The following FRMD4A variants were observed in gnomAD, a reference collection of about 807,000 sequenced individuals.
FRMD4A encodes FERM domain containing 4A.
A neutral mutation model predicts 129.1 loss-of-function variants in FRMD4A; 29 were observed. The ratio of observed to expected loss-of-function variants is 0.22; its 90% CI spans 0.17 to 0.31. The LOEUF (loss-of-function observed/expected upper bound fraction) is 0.31. FRMD4A is among the 10% of genes least tolerant of loss of function. The probability of loss-of-function intolerance (pLI) is 1.00; values close to 1 mark genes in which losing one functional copy is unlikely to be tolerated. For synonymous variants in FRMD4A, 634 were observed against 571.6 expected (o/e 1.11, Z -1.56); for missense variants, 1,272 against 1,375.8 (o/e 0.92, Z 1.19).
At chr10:13,792,535 C>T (rs1040853505) in intron 5 of FRMD4A, among the ~76,000 whole-genome samples, 25 of 152,184 alleles carry the variant, frequency 1.6e-4, no homozygotes, top group Non-Finnish European at 7.3e-5. Context: ...ACTTATTAGC[C>T]ATGCTGGGGA....
intron 2 of FRMD4A, among the ~76,000 whole-genome samples, chr10:13,914,284 G>A (rs1307066589): frequency 2.6e-5 from 4 of 152,086 alleles, no homozygotes; most frequent in African/African-American, 4.8e-5. Flanking sequence ...GACTTCTAAT[G>A]GGTAAAATAA....
At chr10:13,699,698 C>G (rs566745373) in intron 14 of FRMD4A, among the ~76,000 whole-genome samples, 29 of 152,236 alleles carry the variant, frequency 1.9e-4, no homozygotes, top group African/African-American at 7.0e-4. Flanking sequence ...TCCCCTAACC[C>G]CCACCATCCA....
At chr10:13,937,639 G>A (rs1283062527) in intron 2 of FRMD4A, among the ~76,000 whole-genome samples, 2 of 151,862 alleles carry the variant, frequency 1.3e-5, no homozygotes, top group African/African-American at 2.4e-5. Context: ...AGGCTCTTTG[G>A]GCATCAGTGC....
chr10:13,989,916 T>C, intron 2 of FRMD4A, among the ~76,000 whole-genome samples: 1 of 152,226 alleles, frequency 6.6e-6, no homozygotes, highest in Non-Finnish European at 1.5e-5. Context: ...TTTCATTTGC[T>C]GAATCTGGCA....
intron 6 of FRMD4A, among the ~76,000 whole-genome samples, chr10:13,764,506 T>TAAACAAAC (rs74976375): frequency 2.3e-3 from 349 of 149,786 alleles, no homozygotes; most frequent in African/African-American, 4.9e-3. Flanking sequence ...CTGCCTCAAA[T>TAAACAAAC]AAACAAACAA....
intron 2 of FRMD4A, among the ~76,000 whole-genome samples, chr10:14,062,293 C>A (rs958594377): frequency 2.0e-5 from 3 of 152,112 alleles, no homozygotes; most frequent in African/African-American, 7.2e-5. Flanking sequence ...CAAAAGGGCA[C>A]ATACAGGTAG....
chr10:14,091,625 G>A (rs189756168), intron 2 of FRMD4A, among the ~76,000 whole-genome samples: 1 of 152,266 alleles, frequency 6.6e-6, no homozygotes, highest in African/African-American at 2.4e-5. Flanking sequence ...AGTAGAGATG[G>A]GGTTTCACCA....
At chr10:13,683,214 G>A (rs1373430876) in intron 15 of FRMD4A, among the ~76,000 whole-genome samples, 2 of 152,098 alleles carry the variant, frequency 1.3e-5, no homozygotes, top group Admixed American at 6.5e-5. Flanking sequence ...CCACGTGCAC[G>A]GTGGTGTGGG....
At chr10:13,866,376 G>T in intron 2 of FRMD4A, 2 of 513,272 alleles carry the variant, frequency 3.9e-6, no homozygotes, top group Non-Finnish European at 5.0e-6. Flanking sequence ...CTGTTGTGTG[G>T]CTCAGAAGGA....
chr10:13,765,365 C>A (rs1205337266), intron 6 of FRMD4A, among the ~76,000 whole-genome samples: 1 of 152,098 alleles, frequency 6.6e-6, no homozygotes, highest in Non-Finnish European at 1.5e-5. Context: ...GATCCACCCA[C>A]CTCGGCCTCC....
intron 2 of FRMD4A, among the ~76,000 whole-genome samples, chr10:14,166,766 C>G (rs553815752): frequency 5.9e-5 from 9 of 152,336 alleles, no homozygotes; most frequent in African/African-American, 2.2e-4. Flanking sequence ...ATTGCCTTCA[C>G]TCTGTGGAAT....
chr10:14,094,744 AG>A (rs1836853375), intron 2 of FRMD4A, among the ~76,000 whole-genome samples: 1 of 152,220 alleles, frequency 6.6e-6, no homozygotes, highest in Non-Finnish European at 1.5e-5. Context: ...GAGCTGGAGA[AG>A]TAGATTGCTC....
At chr10:14,136,928 T>C (rs1839568470) in intron 2 of FRMD4A, among the ~76,000 whole-genome samples, 1 of 152,230 alleles carries the variant, frequency 6.6e-6, no homozygotes, top group Non-Finnish European at 1.5e-5. Context: ...TAACGCCAAA[T>C]TGTGGTATAC....
At chr10:14,288,810 C>T (rs1221421126) in intron 2 of FRMD4A, among the ~76,000 whole-genome samples, 1 of 152,148 alleles carries the variant, frequency 6.6e-6, no homozygotes, top group East Asian at 1.9e-4. Context: ...CTGCAACCAC[C>T]TTCTACTCTC....
At chr10:14,049,477 A>G (rs1834155329) in intron 2 of FRMD4A, among the ~76,000 whole-genome samples, 1 of 152,204 alleles carries the variant, frequency 6.6e-6, no homozygotes, top group African/African-American at 2.4e-5. Flanking sequence ...GTTTCAGTGT[A>G]TTAGGAAAGA....
chr10:14,330,304 G>GA (rs1843467480), intron 1 of FRMD4A, 121 bp from the exon 2 acceptor site: 4 of 497,346 alleles, frequency 8.0e-6, no homozygotes, highest in East Asian at 3.1e-5. Flanking sequence ...TGTGCTTAGG[G>GA]AGGAAAAAAA....
rs143881796 is a variant in FRMD4A at position 14,195,366 on chromosome 10, C to T, written c.45+134692G>A. ...TAAAACCATACCTAGGAGGGAATCACATCTGCCTGAGATAGTATATCTTTC... is the reference window on the plus strand; with the variant it reads ...TAAAACCATACCTAGGAGGGAATCATATCTGCCTGAGATAGTATATCTTTC... On this transcript the variant is annotated intron_variant, in intron 2 of 24. Transcript: ENST00000357447. Among the ~76,000 whole-genome samples, 62 of 152,046 alleles carry T rather than the reference C, an allele frequency of 4.1e-4. No individual in the cohort carries two copies. In the East Asian group the frequency reaches 0.011, roughly 28 times the overall value.
At chr10:14,061,026 A>T (rs570907402) in intron 2 of FRMD4A, among the ~76,000 whole-genome samples, 7 of 152,108 alleles carry the variant, frequency 4.6e-5, no homozygotes, top group African/African-American at 1.4e-4. Context: ...AATAAGGAAA[A>T]AAAAATGACC....
chr10:13,775,960 G>A lies in FRMD4A; in HGVS notation c.384+6962C>T, dbSNP rs147514437. 2.0e-5 allele frequency among the ~76,000 whole-genome samples: 3 copies of A among 152,294 alleles called. No homozygotes were observed. In the East Asian group the frequency reaches 5.8e-4, roughly 29 times the overall value. ...AAACAATGGGTTGTCTAAAAAACGA[G>A]CTGCAACCACAGGATACTACTTGGA... is the stretch of plus-strand genomic sequence containing the variant. On this transcript the variant is annotated intron_variant, in intron 6 of 24. Coordinates refer to ENST00000357447, the MANE Select transcript of FRMD4A (RefSeq NM_018027.5).
Sources: allele counts gnomAD v4.1 joint callset (sites outside exome capture counted in the v4.1 genomes callset), GRCh38; gene constraint gnomAD v4.1.1; transcripts MANE v1.5; gene names NCBI Gene and HGNC (gene_info 2026-07-23, HGNC 2026-07-21).